The following WDFY4 variants were observed in gnomAD, a reference collection of about 807,000 sequenced individuals.
WDFY4 encodes the protein WDFY family member 4, also known as WD repeat- and FYVE domain-containing protein 4.
In WDFY4, 169 loss-of-function variants were observed where a neutral mutation model predicts 351.9. The observed-to-expected ratio is 0.48, with a 90% CI of 0.42 to 0.55. The LOEUF (loss-of-function observed/expected upper bound fraction) is 0.55. Among genes scored for constraint, WDFY4 ranks in the 20% least tolerant of loss-of-function variants. WDFY4 has a pLI of 0.00. For synonymous variants in WDFY4, 1,622 were observed against 1,574.6 expected (o/e 1.03, Z -0.71); for missense variants, 3,803 against 3,935.6 (o/e 0.97, Z 0.90).
chr10:48,806,469 T>G (rs536512612), intron 27 of WDFY4, among the ~76,000 whole-genome samples: 1 of 152,216 alleles, frequency 6.6e-6, no homozygotes, highest in South Asian at 2.1e-4. Context: ...GGTGATGGCC[T>G]GCCCTCTGTC....
intron 28 of WDFY4, among the ~76,000 whole-genome samples, chr10:48,809,259 T>C (rs961536145): frequency 7.0e-6 from 1 of 143,466 alleles, no homozygotes; most frequent in Non-Finnish European, 1.5e-5. Flanking sequence ...ACCACCACCA[T>C]CATCACCATC....
intron 31 of WDFY4, among the ~76,000 whole-genome samples, chr10:48,816,947 A>G (rs971739624): frequency 5.9e-5 from 9 of 152,236 alleles, no homozygotes; most frequent in Non-Finnish European, 1.3e-4. Context: ...ACAAGTATCA[A>G]AAATAAAAGG....
intron 45 of WDFY4, among the ~76,000 whole-genome samples, chr10:48,899,968 G>T (rs895145527): frequency 6.6e-6 from 1 of 152,126 alleles, no homozygotes; most frequent in Non-Finnish European, 1.5e-5. Context: ...CGCTTGCCCT[G>T]GGAGTGGACC....
chr10:48,760,428 A>C lies in WDFY4; in HGVS notation c.2541A>C (p.Glu847Asp). Residue 847 changes from glutamate to aspartate, a missense_variant, in exon 13 of 62, where the codon GAA (glutamate) becomes GAC (aspartate). Physicochemically the swap from Glu to Asp is conservative, Grantham distance 45. Coordinates refer to ENST00000325239, the MANE Select transcript of WDFY4 (RefSeq NM_001394531.1). ...MVRLLPRLYH[E>D]DHPQLSEEIQ... ...GGCTGCTGCCTCGGTTGTACCATGA[A>C]GATCACCCACAGGTACCTGGTGTTG... The C allele has an allele frequency of 6.4e-7, 1 of 1,551,684 alleles. No individual in the cohort carries two copies. Among genetic ancestry groups the C allele is most frequent in the Non-Finnish European group, 8.7e-7 (1 of 1,146,986 alleles).
intron 47 of WDFY4, among the ~76,000 whole-genome samples, chr10:48,933,443 G>T (rs1295674621): frequency 1.3e-5 from 2 of 152,212 alleles, no homozygotes; most frequent in Non-Finnish European, 2.9e-5. Context: ...TACAAGCTTG[G>T]CTTTACAATG....
intron 35 of WDFY4, chr10:48,824,011 A>C (rs1363425559): frequency 1.0e-6 from 1 of 985,326 alleles, no homozygotes; most frequent in East Asian, 1.1e-4. Flanking sequence ...GGACTGAAAA[A>C]CTTTGTGCAT....
chr10:48,756,865 C>G (rs1187710459), intron 12 of WDFY4, among the ~76,000 whole-genome samples: 1 of 152,004 alleles, frequency 6.6e-6, no homozygotes, highest in Non-Finnish European at 1.5e-5. Context: ...ATTTTTGCAC[C>G]TATGTTCATT....
In WDFY4 at chr10:48,982,152, G is replaced by A. The variant is rs17011579; in HGVS notation, c.9489-357G>A. Among the ~76,000 whole-genome samples, 1,364 of 152,284 alleles carry A rather than the reference G, an allele frequency of 9.0e-3. 26 individuals are homozygous for A. Among genetic ancestry groups the A allele is most frequent in the African/African-American group, 0.031 (1,298 of 41,550 alleles). ...TGGGCATGATGGTAGGGCCAGAGCCGCACTTTTTGCAGAGAACTTGCCATT... is the reference window on the plus strand; with the variant it reads ...TGGGCATGATGGTAGGGCCAGAGCCACACTTTTTGCAGAGAACTTGCCATT... On this transcript the variant is annotated intron_variant, in intron 61 of 61. Transcript: ENST00000325239.
chr10:48,830,293 T>C (rs1453184068), intron 37 of WDFY4, among the ~76,000 whole-genome samples: 2 of 152,018 alleles, frequency 1.3e-5, no homozygotes, highest in African/African-American at 2.4e-5. Context: ...GAGGTCAACA[T>C]GTAAGGGAAG....
At chr10:48,736,441 A>G (rs772551791) in intron 11 of WDFY4, among the ~76,000 whole-genome samples, 1 of 152,256 alleles carries the variant, frequency 6.6e-6, no homozygotes, top group Non-Finnish European at 1.5e-5. Flanking sequence ...TTTAGGAAGA[A>G]CTTTGGGCAG....
intron 1 of WDFY4, among the ~76,000 whole-genome samples, chr10:48,704,977 C>T (rs1467799240): frequency 6.6e-6 from 1 of 152,072 alleles, no homozygotes; most frequent in Non-Finnish European, 1.5e-5. Flanking sequence ...AACCTGTTGT[C>T]ATCCCCACTT....
intron 31 of WDFY4, among the ~76,000 whole-genome samples, chr10:48,817,037 G>C (rs1325392851): frequency 6.6e-6 from 1 of 152,146 alleles, no homozygotes; most frequent in Non-Finnish European, 1.5e-5. Flanking sequence ...GGTGAGAAGA[G>C]GCATATGTAT....
intron 47 of WDFY4, among the ~76,000 whole-genome samples, chr10:48,924,012 C>T (rs954548979): frequency 2.6e-5 from 4 of 152,230 alleles, no homozygotes; most frequent in South Asian, 2.1e-4. Flanking sequence ...GGAAGCAGCA[C>T]GGAGCTGGCT....
rs187281526 is a variant in WDFY4, at chr10:48,812,201, T to G, written c.5214+493T>G. On this transcript the variant is annotated intron_variant, in intron 30 of 61. Transcript: ENST00000325239. ...TTTCTTTTTTTTTTGTTTTTTTTGT[T>G]TTTTTTTGAGACAGAGTCTTACTGT... is the stretch of plus-strand genomic sequence containing the variant. Among the ~76,000 whole-genome samples, 481 of 150,204 alleles carry G rather than the reference T, an allele frequency of 3.2e-3. 8 individuals are homozygous for G. Among genetic ancestry groups the G allele is most frequent in the African/African-American group, 8.0e-3 (322 of 40,214 alleles).
intron 39 of WDFY4, among the ~76,000 whole-genome samples, chr10:48,860,615 C>T (rs1446363478): frequency 6.6e-6 from 1 of 152,186 alleles, no homozygotes; most frequent in Non-Finnish European, 1.5e-5. Context: ...GGAACACAAA[C>T]ATTCAGTTTA....
intron 20 of WDFY4, among the ~76,000 whole-genome samples, chr10:48,787,947 TC>T (rs2066525925): frequency 2.3e-5 from 2 of 85,640 alleles, no homozygotes; most frequent in Non-Finnish European, 4.7e-5. Context: ...TTCTTCTTCT[TC>T]TTCTTCTTCT....
rs144344845 is a variant in WDFY4 at position 48,779,957 on chromosome 10, G to T, written c.3414G>T (p.Glu1138Asp). The T allele has an allele frequency of 5.8e-6, 9 of 1,551,732 alleles. No homozygotes were observed. The highest frequency in any genetic ancestry group is 7.8e-6 in the Non-Finnish European group (9 of 1,147,012). Reference protein sequence around the residue: ...EFQPLDVMEPEDDSEPSAGCQ... With the variant: ...EFQPLDVMEPDDDSEPSAGCQ... ...GTCTTCCAGATGTCATGGAACCTGA[G>T]GATGACTCCGAGCCTTCTGCAGGAT... Residue 1138 changes from glutamate (E) to aspartate (D), a missense_variant, in exon 19 of 62, where the codon GAG becomes GAT. Around this residue, in one of 3 missense-constraint regions of WDFY4, gnomAD observed 3,054 missense variants for 3,148.6 expected, o/e 0.97. Coordinates refer to ENST00000325239, the MANE Select transcript of WDFY4 (RefSeq NM_001394531.1).
chr10:48,728,359 C>T (rs1045630794), intron 7 of WDFY4, among the ~76,000 whole-genome samples: 27 of 152,258 alleles, frequency 1.8e-4, no homozygotes, highest in African/African-American at 6.5e-4. Context: ...CGAGTGGGGC[C>T]CAGGGATTAC....
intron 1 of WDFY4, among the ~76,000 whole-genome samples, chr10:48,697,575 C>A (rs1397341392): frequency 6.6e-6 from 1 of 152,208 alleles, no homozygotes; most frequent in African/African-American, 2.4e-5. Context: ...GCACGTGTGA[C>A]TTTTTGGAGT....
Sources: gnomAD v4.1 joint callset for allele counts (sites outside exome capture counted in the v4.1 genomes callset) on GRCh38, gnomAD v4.1.1 for gene constraint, gnomAD v4.1.1 regional missense constraint, MANE v1.5 for transcripts, NCBI Gene and HGNC (gene_info 2026-07-23, HGNC 2026-07-21) for gene names.